The following PTPN3 variants were observed in gnomAD, a reference collection of about 807,000 sequenced individuals.
PTPN3 encodes the protein protein tyrosine phosphatase non-receptor type 3.
PTPN3 carries 96 observed loss-of-function variants against 132.7 expected under a neutral mutation model. The observed-to-expected ratio is 0.72, with a 90% CI of 0.61 to 0.86. The LOEUF is 0.86. Ranked by LOEUF, PTPN3 falls within the 40% of genes least tolerant of loss-of-function variation. PTPN3 has a pLI of 0.00. For missense variants in PTPN3, 1,125 were observed against 1,159.6 expected (o/e 0.97, Z 0.43); for synonymous variants, 398 against 429.0 (o/e 0.93, Z 0.89).
the PTPN3 span, among the ~76,000 whole-genome samples, chr9:109,507,459 G>A: frequency 2.6e-5 from 4 of 152,216 alleles, no homozygotes; most frequent in Non-Finnish European, 4.4e-5. Context: ...TTTTAAGAAC[G>A]GGGGATGCTA....
At chr9:109,481,703 GA>G (rs1846965527) in intron 1 of PTPN3, among the ~76,000 whole-genome samples, 1 of 152,222 alleles carries the variant, frequency 6.6e-6, no homozygotes, top group African/African-American at 2.4e-5. Context: ...ATGGCATCTA[GA>G]ACAGTGTCCA....
chr9:109,386,715 A>G (rs1171868620), intron 22 of PTPN3, among the ~76,000 whole-genome samples: 1 of 152,154 alleles, frequency 6.6e-6, no homozygotes, highest in Non-Finnish European at 1.5e-5. Context: ...AGTACAATAC[A>G]CCTGCACAGA....
chr9:109,534,632 CAAAAAAA>C, the PTPN3 span, among the ~76,000 whole-genome samples: 1 of 108,752 alleles, frequency 9.2e-6, no homozygotes, highest in Non-Finnish European at 1.8e-5. Context: ...CAAAAAAATA[CAAAAAAA>C]AAAAAAAAAA....
At chr9:109,422,275 G>T (rs1438729360) in intron 13 of PTPN3, among the ~76,000 whole-genome samples, 4 of 152,168 alleles carry the variant, frequency 2.6e-5, no homozygotes, top group Non-Finnish European at 5.9e-5. Flanking sequence ...ATGTGCATTT[G>T]CTTCTGCTGC....
At chr9:109,495,944 G>A (rs886884376) in intron 1 of PTPN3, among the ~76,000 whole-genome samples, 2 of 152,220 alleles carry the variant, frequency 1.3e-5, no homozygotes, top group African/African-American at 4.8e-5. Context: ...CTGCACGGAA[G>A]TGGATGCAGG....
At position 109,394,487 on chromosome 9, in the gene PTPN3, G is replaced by A. The variant is rs563336165; in HGVS notation, c.1954-2926C>T. Among the ~76,000 whole-genome samples the A allele has an allele frequency of 3.3e-5, 5 of 150,014 alleles. No homozygotes were observed. The East Asian group carries it at 9.8e-4, about 29-fold the overall frequency. The stretch of plus-strand genomic sequence containing the variant: ...TTTTTTTTTTGAGACACGTTGCCCA[G>A]GCTGGGCTGCAGTGGTGCGATCTCA... On this transcript the variant is annotated intron_variant, in intron 19 of 25. Coordinates refer to ENST00000374541, the MANE Select transcript of PTPN3 (RefSeq NM_002829.4).
At chr9:109,453,164 T>G (rs1336601597) in intron 5 of PTPN3, among the ~76,000 whole-genome samples, 1 of 152,044 alleles carries the variant, frequency 6.6e-6, no homozygotes, top group African/African-American at 2.4e-5. Flanking sequence ...AGGGAGGAGG[T>G]GCACAAAGAA....
chr9:109,395,294 A>C (rs1221863544), intron 19 of PTPN3, among the ~76,000 whole-genome samples: 1 of 151,910 alleles, frequency 6.6e-6, no homozygotes, highest in Non-Finnish European at 1.5e-5. Context: ...AAGAAATACA[A>C]CAAAAGAAAT....
chr9:109,518,090 G>A, the PTPN3 span, among the ~76,000 whole-genome samples: 1 of 152,130 alleles, frequency 6.6e-6, no homozygotes, highest in South Asian at 2.1e-4. Context: ...GCTTCACTAT[G>A]GTTTCCTTTA....
At chr9:109,537,497 G>A in the PTPN3 span, among the ~76,000 whole-genome samples, 2 of 150,020 alleles carry the variant, frequency 1.3e-5, no homozygotes, top group Non-Finnish European at 3.0e-5. Context: ...CATCCATTCC[G>A]GGTTTCCTTT....
intron 13 of PTPN3, among the ~76,000 whole-genome samples, chr9:109,421,622 A>G (rs2131843097): frequency 6.6e-6 from 1 of 152,378 alleles, no homozygotes; most frequent in South Asian, 2.1e-4. Context: ...TGAGATTTTC[A>G]GATAAATTAA....
Position 109,468,381 on chromosome 9 carries a change from T to G in PTPN3, c.-17-4930A>C, listed in dbSNP as rs566560477. On this transcript the variant is annotated intron_variant, in intron 1 of 25. Transcript: ENST00000374541. Reference sequence around the variant, plus strand: ...TTTTTTTTTGTTTGTTTGTTTGTTTTTTTGAGACAGAGTCTTGCTCTGTCC... The same window carrying G: ...TTTTTTTTTGTTTGTTTGTTTGTTTGTTTGAGACAGAGTCTTGCTCTGTCC... Among the ~76,000 whole-genome samples, 391 of 152,284 alleles carry G rather than the reference T, an allele frequency of 2.6e-3. 2 individuals carry two copies. The highest frequency in any genetic ancestry group is 8.5e-3 in the African/African-American group (354 of 41,536).
intron 19 of PTPN3, among the ~76,000 whole-genome samples, chr9:109,394,852 G>T (rs1384726891): frequency 6.6e-6 from 1 of 152,146 alleles, no homozygotes; most frequent in East Asian, 1.9e-4. Flanking sequence ...CAAAGAGGAA[G>T]AAACTGGCCG....
chr9:109,510,558 TAAAAAA>T, the PTPN3 span, among the ~76,000 whole-genome samples: 64 of 74,084 alleles, frequency 8.6e-4, 2 homozygotes, highest in South Asian at 4.0e-3. Flanking sequence ...AACTTTGTCT[TAAAAAA>T]AAAAAAAAAA....
intron 1 of PTPN3, among the ~76,000 whole-genome samples, chr9:109,466,750 A>G (rs1379783972): frequency 6.6e-6 from 1 of 152,204 alleles, no homozygotes; most frequent in African/African-American, 2.4e-5. Flanking sequence ...GCATGGCTAG[A>G]GAAAAGATTT....
chr9:109,383,519 G>A lies in PTPN3; in HGVS notation c.2286C>T (p.Pro762=), dbSNP rs2304742. 59,832 of 1,613,898 alleles carry A rather than the reference G, an allele frequency of 0.037. 1,709 individuals are homozygous for A. Among genetic ancestry groups the A allele is most frequent in the East Asian group, 0.15 (6,863 of 44,830 alleles). The change falls in exon 23 of 26, where the codon CCC becomes CCT. Residue 762 remains proline (P), a synonymous_variant. Transcript: ENST00000374541. ...TKCHQYWPDP[P]DVMNHGGFHI... ...GAAAGCCGCCGTGGTTCATGACGTC[G>A]GGGGGATCTGGCCAGTACTGGTGAC...
the PTPN3 span, among the ~76,000 whole-genome samples, chr9:109,519,938 T>G: frequency 6.6e-6 from 1 of 152,118 alleles, no homozygotes; most frequent in African/African-American, 2.4e-5. Context: ...TTGGTAAGGT[T>G]CATGAGGTCA....
chr9:109,407,873 G>A (rs1384596263), intron 17 of PTPN3, among the ~76,000 whole-genome samples: 2 of 152,168 alleles, frequency 1.3e-5, no homozygotes, highest in Non-Finnish European at 2.9e-5. Flanking sequence ...AAATTTGAAA[G>A]AAAAACAAAG....
chr9:109,486,976 C>G (rs556707976), intron 1 of PTPN3, among the ~76,000 whole-genome samples: 7 of 152,304 alleles, frequency 4.6e-5, no homozygotes, highest in African/African-American at 1.7e-4. Flanking sequence ...CCTCCCCAGC[C>G]TTGCGGAACT....
Sources: gnomAD v4.1 joint callset for allele counts (sites outside exome capture counted in the v4.1 genomes callset) on GRCh38, gnomAD v4.1.1 for gene constraint, MANE v1.5 for transcripts, NCBI Gene and HGNC (gene_info 2026-07-23, HGNC 2026-07-21) for gene names.